Variants in DYRK4 observed in about 807,000 individuals in gnomAD.
DYRK4 encodes dual specificity tyrosine-phosphorylation-regulated kinase 4.
A neutral mutation model predicts 68.3 loss-of-function variants in DYRK4; 64 were observed. That is an observed-to-expected ratio of 0.94 (90% CI 0.77 to 1.15). The LOEUF (loss-of-function observed/expected upper bound fraction) is 1.15. Among genes scored for constraint, DYRK4 ranks in the 50% most tolerant of loss-of-function variants. The pLI is 0.00. For synonymous variants in DYRK4, 274 were observed against 289.9 expected (o/e 0.95, Z 0.56); for missense variants, 740 against 764.7 (o/e 0.97, Z 0.38).
At chr12:4,587,731 A>T (rs1323724458) in intron 2 of DYRK4, among the ~76,000 whole-genome samples, 1 of 152,138 alleles carries the variant, frequency 6.6e-6, no homozygotes, top group African/African-American at 2.4e-5. Context: ...GGAGGTCAAG[A>T]TTGACTGTCC....
At chr12:4,562,530 G>A (rs1012190734) in intron 1 of DYRK4, among the ~76,000 whole-genome samples, 1 of 152,228 alleles carries the variant, frequency 6.6e-6, no homozygotes, top group East Asian at 1.9e-4. Context: ...AGATGCTGTC[G>A]CATCGGCGAC....
Position 4,568,006 on chromosome 12 carries a change from G to C in DYRK4, c.90G>C (p.Leu30=). The C allele has an allele frequency of 6.5e-7, 1 of 1,536,126 alleles. No individual in the cohort carries two copies. Among genetic ancestry groups the C allele is most frequent in the East Asian group, 2.4e-5 (1 of 40,918 alleles). ...GGAAATGTGATTTGACTCCCTTCCT[G>C]GTTTTGAAAGCAAGAAAGAAACAAA... The part of the protein sequence containing the change: ...KPRKCDLTPF[L]VLKARKKQKF... The change falls in exon 2 of 15, where the codon CTG becomes CTC. Residue 30 remains leucine (L), a synonymous_variant. Transcript: ENST00000543431.
rs911033284 is a variant in DYRK4, at chr12:4,593,047, G to A, written c.509G>A (p.Ser170Asn). 5 of 1,614,202 alleles carry A rather than the reference G, an allele frequency of 3.1e-6. No homozygotes were observed. The highest frequency in any genetic ancestry group is 3.4e-6 in the Non-Finnish European group (4 of 1,180,032). ...AACCAGCTGTCTCCATATGAACAAA[G>A]TGAAATCCTGGGCTACGCGGAGCTG... Reference protein sequence around the residue: ...FKNQLSPYEQSEILGYAELWF... With the variant: ...FKNQLSPYEQNEILGYAELWF... Residue 170 changes from serine to asparagine, a missense_variant, in exon 6 of 15, where the codon AGT becomes AAT. Physicochemically the swap from Ser to Asn is conservative, Grantham distance 46. Around this residue, in one of 3 missense-constraint regions of DYRK4, gnomAD observed 614 missense variants for 603.7 expected, o/e 1.02. Transcript: ENST00000543431.
At position 4,588,970 on chromosome 12, in the gene DYRK4, C is replaced by G; in HGVS notation, c.166C>G (p.Pro56Ala). 1 of 1,536,100 alleles carries G rather than the reference C, an allele frequency of 6.5e-7. No individual in the cohort carries two copies. Among genetic ancestry groups the G allele is most frequent in the East Asian group, 2.4e-5 (1 of 40,920 alleles). ...GSKLSVQIQK[P>A]PSNIKNSRMT... Reference sequence around the variant, plus strand: ...TAAACTTTCGGTTCAGATCCAGAAGCCACCTTCCAATATCAAGAACTCCAG... The same window carrying G: ...TAAACTTTCGGTTCAGATCCAGAAGGCACCTTCCAATATCAAGAACTCCAG... The change falls in exon 3 of 15, where the codon CCA becomes GCA. Residue 56 changes from proline (P) to alanine (A), a missense_variant. Physicochemically the swap from Pro to Ala is conservative, Grantham distance 27. Around this residue, in one of 3 missense-constraint regions of DYRK4, gnomAD observed 70 missense variants for 71.1 expected, o/e 0.98. Transcript: ENST00000543431.
At chr12:4,566,145 G>C (rs1944674480) in intron 1 of DYRK4, among the ~76,000 whole-genome samples, 1 of 152,142 alleles carries the variant, frequency 6.6e-6, no homozygotes, top group Non-Finnish European at 1.5e-5. Context: ...CTTGGTTGAG[G>C]CTCTCATTCA....
chr12:4,606,504 C>T (rs1427078690), intron 11 of DYRK4, among the ~76,000 whole-genome samples: 1 of 152,150 alleles, frequency 6.6e-6, no homozygotes, highest in African/African-American at 2.4e-5. Flanking sequence ...TGAACACTGG[C>T]CTGCGAGTCA....
chr12:4,592,364 T>C (rs993063931), intron 5 of DYRK4, among the ~76,000 whole-genome samples: 1 of 152,188 alleles, frequency 6.6e-6, no homozygotes, highest in Non-Finnish European at 1.5e-5. Context: ...TCAAATAATA[T>C]GGTGCCCCCT....
chr12:4,612,340 T>G (rs1945231722), intron 13 of DYRK4, among the ~76,000 whole-genome samples: 1 of 152,218 alleles, frequency 6.6e-6, no homozygotes, highest in Non-Finnish European at 1.5e-5. Context: ...CCCTGGCTTG[T>G]TATACACATC....
rs369387149 is a variant in DYRK4, at chr12:4,611,496, C to T, written c.1491-1047C>T. ...ACTGTTATCTTATATATATATATTG[C>T]TAATTAGAAAATCTTTGAGACTAAA... On this transcript the variant is annotated intron_variant, in intron 13 of 14. Transcript: ENST00000543431. Among the ~76,000 whole-genome samples, 64 of 152,080 alleles carry T rather than the reference C, an allele frequency of 4.2e-4. 1 individual carries two copies. Among genetic ancestry groups the T allele is most frequent in the Admixed American group, 1.4e-3 (21 of 15,260 alleles).
At chr12:4,577,582 T>C (rs1189018166) in intron 2 of DYRK4, among the ~76,000 whole-genome samples, 1 of 152,242 alleles carries the variant, frequency 6.6e-6, no homozygotes, top group Admixed American at 6.5e-5. Context: ...CTAACTTTGC[T>C]GTTCTTTGGT....
At chr12:4,587,599 A>G (rs1333646467) in intron 2 of DYRK4, among the ~76,000 whole-genome samples, 2 of 152,230 alleles carry the variant, frequency 1.3e-5, no homozygotes, top group African/African-American at 4.8e-5. Context: ...ATATTTGCTC[A>G]GATACCATTT....
intron 10 of DYRK4, among the ~76,000 whole-genome samples, chr12:4,601,214 C>T (rs1420960682): frequency 6.6e-6 from 1 of 152,184 alleles, no homozygotes; most frequent in Non-Finnish European, 1.5e-5. Flanking sequence ...AAAAATAAGT[C>T]AATGCACCAC....
chr12:4,611,480 TTA>T (rs35021970), intron 13 of DYRK4, among the ~76,000 whole-genome samples: 1 of 151,862 alleles, frequency 6.6e-6, no homozygotes, highest in Admixed American at 6.6e-5. Context: ...GACTGTTATC[TTA>T]TATATATATA....
intron 11 of DYRK4, among the ~76,000 whole-genome samples, chr12:4,606,808 A>G (rs1014753833): frequency 6.6e-6 from 1 of 152,220 alleles, no homozygotes; most frequent in African/African-American, 2.4e-5. Flanking sequence ...CAGCAAGGGC[A>G]GGTGACCCAC....
At position 4,585,549 on chromosome 12, in the gene DYRK4, G is replaced by A. The variant is rs186993640; in HGVS notation, c.133-3388G>A. On this transcript the variant is annotated intron_variant, in intron 2 of 14. Transcript: ENST00000543431. ...AAGGACAAAAAACCAAACACCGCAT[G>A]TTCTCACTCACAGGTGGGAATTGAA... Among the ~76,000 whole-genome samples the A allele has an allele frequency of 4.5e-3, 692 of 152,102 alleles. 4 individuals are homozygous for A. Among genetic ancestry groups the A allele is most frequent in the Non-Finnish European group, 7.5e-3 (509 of 67,990 alleles).
rs1945245745 is a variant in DYRK4, at chr12:4,613,102, C to T, written c.1666+384C>T. Among the ~76,000 whole-genome samples, 1 of 152,172 alleles carries T rather than the reference C, an allele frequency of 6.6e-6. No homozygotes were observed. Among genetic ancestry groups the T allele is most frequent in the African/African-American group, 2.4e-5 (1 of 41,440 alleles). On this transcript the variant is annotated intron_variant, in intron 14 of 14. Coordinates refer to ENST00000543431, the MANE Select transcript of DYRK4 (RefSeq NM_001394779.1). This position sits in a 1 kb window ranked among gnomAD's most constrained non-coding sequence, Gnocchi z 4.0. ...CATTAACTGCGTCCACCCCTTTATGCCCTATAATTACCTTTAGAATTTCTG... is the reference window on the plus strand; with the variant it reads ...CATTAACTGCGTCCACCCCTTTATGTCCTATAATTACCTTTAGAATTTCTG...
At chr12:4,564,156 C>T (rs1001423495) in intron 1 of DYRK4, among the ~76,000 whole-genome samples, 2 of 152,006 alleles carry the variant, frequency 1.3e-5, no homozygotes, top group African/African-American at 4.8e-5. Context: ...ATGAGTGTGA[C>T]TTAAAATACA....
chr12:4,589,046 C>G, intron 3 of DYRK4, 29 bp downstream of exon 3: 1 of 1,532,944 alleles, frequency 6.5e-7, no homozygotes, highest in Non-Finnish European at 8.7e-7. Flanking sequence ...CTCCTTTTCT[C>G]TAGGAGAGAA....
Position 4,589,091 on chromosome 12 carries a change from A to T in DYRK4, c.213+74A>T, listed in dbSNP as rs374377302. On this transcript the variant is annotated intron_variant, in intron 3 of 14. Coordinates refer to ENST00000543431, the MANE Select transcript of DYRK4 (RefSeq NM_001394779.1). ...GTGGGTGGCCAGGGTAGCTTTGAAC[A>T]GACAGTTTTGGCCAATTTATCATAA... 5 of 1,422,980 alleles carry T rather than the reference A, an allele frequency of 3.5e-6. No homozygotes were observed. In the African/African-American group the frequency reaches 7.1e-5, roughly 20 times the overall value. 88.1% of individuals were successfully genotyped at this position (1,422,980 alleles called of 1,614,324 possible).
Sources: gnomAD v4.1 joint callset for allele counts (sites outside exome capture counted in the v4.1 genomes callset) on GRCh38, gnomAD v4.1.1 for gene constraint, gnomAD v4.1.1 regional missense constraint, Gnocchi (gnomAD v3.1) non-coding constraint, MANE v1.5 for transcripts, NCBI Gene and HGNC (gene_info 2026-07-23, HGNC 2026-07-21) for gene names.